Variants in CSMD1 observed in about 807,000 individuals in gnomAD.
CSMD1 encodes the protein CUB and Sushi multiple domains 1, also known as CUB and sushi domain-containing protein 1.
Under a neutral mutation model 417.5 loss-of-function variants are expected in CSMD1, and 213 were observed. That is an observed-to-expected ratio of 0.51 (90% CI 0.46 to 0.57). The LOEUF (loss-of-function observed/expected upper bound fraction) is 0.57. CSMD1 is among the 20% of genes least tolerant of loss of function. The pLI is 0.00. For synonymous variants in CSMD1, 2,862 were observed against 1,736.8 expected, an observed-to-expected ratio of 1.65 and a Z score of -16.11; for missense variants, 6,923 against 4,529.7, an observed-to-expected ratio of 1.53 and a Z score of -15.17.
At chr8:3,167,436 G>A (rs1820300314) in intron 37 of CSMD1, among the ~76,000 whole-genome samples, 1 of 151,756 alleles carries the variant, frequency 6.6e-6, no homozygotes, top group South Asian at 2.1e-4. Context: ...CAACATAAAG[G>A]TAATTCTTGT....
chr8:3,990,521 A>C (rs1814663462), intron 5 of CSMD1, among the ~76,000 whole-genome samples: 2 of 152,158 alleles, frequency 1.3e-5, no homozygotes, highest in South Asian at 4.1e-4. Context: ...CTTAGGGTAA[A>C]ATACTACATT....
chr8:3,757,962 C>G lies in CSMD1; in HGVS notation c.819-3920G>C, dbSNP rs531191999. On this transcript the variant is annotated intron_variant, in intron 5 of 69. Coordinates refer to ENST00000635120, the MANE Select transcript of CSMD1 (RefSeq NM_033225.6). ...TCAGGTTTAAAAAAAATGCGTAAGT[C>G]CTGCACAAATTCCTTTTATTTTTGA... is the stretch of plus-strand genomic sequence containing the variant. 5.3e-5 allele frequency among the ~76,000 whole-genome samples: 8 copies of G among 152,208 alleles called. No individual in the cohort carries two copies. The South Asian group carries it at 1.7e-3, about 32-fold the overall frequency.
At chr8:4,743,924 T>G (rs1464076105) in intron 1 of CSMD1, among the ~76,000 whole-genome samples, 3 of 152,194 alleles carry the variant, frequency 2.0e-5, no homozygotes, top group Non-Finnish European at 4.4e-5. Context: ...TAGAAGTTTA[T>G]AAACCACAGC....
chr8:4,203,536 G>A (rs3914776), intron 3 of CSMD1, among the ~76,000 whole-genome samples: 18,306 of 152,152 alleles, frequency 0.12, 1,266 homozygotes, highest in East Asian at 0.27. Context: ...AGTACCTTCT[G>A]TTATTAAACA....
chr8:4,286,983 G>A (rs553256005), intron 3 of CSMD1, among the ~76,000 whole-genome samples: 17 of 152,076 alleles, frequency 1.1e-4, no homozygotes, highest in Non-Finnish European at 1.8e-4. Context: ...TGACATCCAC[G>A]CCAAGTAAAG....
chr8:4,199,935 A>T (rs948653462), intron 3 of CSMD1, among the ~76,000 whole-genome samples: 1 of 152,168 alleles, frequency 6.6e-6, no homozygotes. Flanking sequence ...GGTTACAAGG[A>T]GTTTCAACCA....
chr8:4,956,528 ATAT>A (rs1302568668), intron 1 of CSMD1, among the ~76,000 whole-genome samples: 4 of 149,108 alleles, frequency 2.7e-5, no homozygotes, highest in Admixed American at 1.3e-4. Flanking sequence ...TATTTTAAAT[ATAT>A]TATAAAATAT....
chr8:4,854,920 A>G (rs1801705004), intron 1 of CSMD1, among the ~76,000 whole-genome samples: 1 of 152,190 alleles, frequency 6.6e-6, no homozygotes, highest in South Asian at 2.1e-4. Flanking sequence ...GCACAGCTCA[A>G]GGAGGTCTGC....
intron 3 of CSMD1, among the ~76,000 whole-genome samples, chr8:4,269,132 C>G (rs1002201001): frequency 7.9e-5 from 12 of 152,178 alleles, no homozygotes; most frequent in African/African-American, 2.7e-4. Context: ...TCTTGGCTCA[C>G]TGAAATCTCT....
chr8:4,954,293 C>G (rs1177474478), intron 1 of CSMD1, among the ~76,000 whole-genome samples: 1 of 152,088 alleles, frequency 6.6e-6, no homozygotes, highest in Non-Finnish European at 1.5e-5. Flanking sequence ...AACAGAGGTG[C>G]AAATAACAGG....
At chr8:3,095,183 A>G (rs563535247) in intron 47 of CSMD1, among the ~76,000 whole-genome samples, 3 of 152,300 alleles carry the variant, frequency 2.0e-5, no homozygotes, top group African/African-American at 7.2e-5. Flanking sequence ...GCATAAGTTC[A>G]AAATAATTAA....
At chr8:2,945,785 C>T (rs1395084028) in intron 68 of CSMD1, among the ~76,000 whole-genome samples, 1 of 152,114 alleles carries the variant, frequency 6.6e-6, no homozygotes, top group Non-Finnish European at 1.5e-5. Context: ...TTGGCTGTTG[C>T]AACCACAACT....
chr8:3,528,736 T>C (rs2117495531), intron 10 of CSMD1, among the ~76,000 whole-genome samples: 1 of 152,336 alleles, frequency 6.6e-6, no homozygotes, highest in East Asian at 1.9e-4. Context: ...GAATAGTGAA[T>C]GTTCCAATTG....
chr8:4,085,814 C>A lies in CSMD1; in HGVS notation c.416-53715G>T, dbSNP rs1480657595. ...TTATCATAAAGACACCATGAAGCTT[C>A]CTGATAGCCAGATAAAAGTTCTGTG... On this transcript the variant is annotated intron_variant, in intron 3 of 69. Transcript: ENST00000635120. Among the ~76,000 whole-genome samples, 3 of 152,246 alleles carry A rather than the reference C, an allele frequency of 2.0e-5. No individual in the cohort carries two copies. In the South Asian group the frequency reaches 6.2e-4, roughly 32 times the overall value.
At chr8:4,590,944 G>C (rs1267725704) in intron 2 of CSMD1, among the ~76,000 whole-genome samples, 3 of 152,150 alleles carry the variant, frequency 2.0e-5, no homozygotes, top group Non-Finnish European at 4.4e-5. Context: ...CTGCTGAGTT[G>C]GTGATTAAAA....
intron 2 of CSMD1, among the ~76,000 whole-genome samples, chr8:4,422,862 A>G (rs1385510444): frequency 6.6e-6 from 1 of 152,132 alleles, no homozygotes; most frequent in Non-Finnish European, 1.5e-5. Context: ...GGAATGTTAG[A>G]AAGGTCCAAT....
chr8:4,398,596 C>A (rs775128524), intron 3 of CSMD1, among the ~76,000 whole-genome samples: 3 of 151,844 alleles, frequency 2.0e-5, no homozygotes, highest in Non-Finnish European at 4.4e-5. Flanking sequence ...GGGGTTTCAC[C>A]GTGTTAGCCA....
At chr8:4,103,196 C>G (rs1187461277) in intron 3 of CSMD1, among the ~76,000 whole-genome samples, 2 of 151,708 alleles carry the variant, frequency 1.3e-5, no homozygotes, top group Non-Finnish European at 2.9e-5. Context: ...GCAACATTTT[C>G]TAACAAAAAG....
At chr8:3,868,426 G>A (rs1356083038) in intron 5 of CSMD1, among the ~76,000 whole-genome samples, 1 of 152,064 alleles carries the variant, frequency 6.6e-6, no homozygotes, top group Non-Finnish European at 1.5e-5. Flanking sequence ...GGCAGCTGGG[G>A]GGCAGCTGTA....
Sources: allele counts gnomAD v4.1 joint callset (sites outside exome capture counted in the v4.1 genomes callset), GRCh38; gene constraint gnomAD v4.1.1; transcripts MANE v1.5; gene names NCBI Gene and HGNC (gene_info 2026-07-23, HGNC 2026-07-21).